The following INO80E variants were observed in gnomAD, a reference collection of about 807,000 sequenced individuals.
The protein encoded by INO80E is coiled-coil domain containing 95.
A neutral mutation model predicts 27.3 loss-of-function variants in INO80E; 20 were observed. The observed-to-expected ratio is 0.73, with a 90% CI of 0.51 to 1.06. The LOEUF (loss-of-function observed/expected upper bound fraction) is 1.06. Ranked by LOEUF, INO80E falls within the 50% of genes least tolerant of loss-of-function variation. The pLI, the probability that INO80E is intolerant of heterozygous loss-of-function variation, is 0.00. For missense variants in INO80E, 357 were observed against 322.8 expected (o/e 1.11, Z -0.81); for synonymous variants, 167 against 145.9 (o/e 1.14, Z -1.04).
intron 3 of INO80E, among the ~76,000 whole-genome samples, chr16:29,997,332 C>T (rs2070167203): frequency 3.3e-5 from 5 of 152,100 alleles, no homozygotes; most frequent in Admixed American, 3.3e-4. Context: ...GCAGCCGTAC[C>T]CCATAGGCAA....
In INO80E at chr16:30,005,612, C is replaced by A; in HGVS notation, c.*170C>A. The A allele has an allele frequency of 2.9e-6, 2 of 684,968 alleles. No individual in the cohort carries two copies. Among genetic ancestry groups the A allele is most frequent in the South Asian group, 1.8e-5 (1 of 54,264 alleles). The allele number at this position is 684,968 out of a possible 1,614,324, so 42.4% of individuals were successfully genotyped here. A position where few individuals can be genotyped will look rare whatever the true frequency, so the allele number is the denominator to read the frequency against. ...GCACGGGTGTCCCCCAGGAGGGTGG[C>A]AGGGGCCCTGCCTTCAAACCCCGGC... On this transcript the variant is annotated 3_prime_UTR_variant, in exon 7 of 7. Transcript: ENST00000563197.
Position 29,996,836 on chromosome 16 carries a change from GA to G in INO80E, c.182del (p.Glu61GlyfsTer70). On this transcript the variant is annotated frameshift_variant, in exon 3 of 7. Transcript: ENST00000563197. LOFTEE classifies it high-confidence loss of function. Reference sequence around the variant, plus strand: ...CCTCCTAGACCGACTTCTGCAGTACGAGAACGTGGATGAAGACTCTTCGGGT... The same window carrying G: ...CCTCCTAGACCGACTTCTGCAGTACGGAACGTGGATGAAGACTCTTCGGGT... ...SFLLDRLLQY[E>X]NVDEDSSDSD... 6.2e-7 allele frequency: 1 copy of G among 1,614,170 alleles called. No individual in the cohort carries two copies. Among genetic ancestry groups the G allele is most frequent in the African/African-American group, 1.3e-5 (1 of 75,044 alleles).
chr16:29,997,470 T>G (rs533953964), intron 3 of INO80E, among the ~76,000 whole-genome samples: 1 of 152,132 alleles, frequency 6.6e-6, no homozygotes, highest in African/African-American at 2.4e-5. Flanking sequence ...TAAAAGCCAT[T>G]CTTGGCCAGG....
intron 3 of INO80E, 70 bp from the exon 4 acceptor site, chr16:30,000,688 G>A (rs971352707): frequency 7.8e-7 from 1 of 1,286,774 alleles, no homozygotes; most frequent in Non-Finnish European, 1.1e-6. Flanking sequence ...CTGTAGTGTA[G>A]AGGAGGTTAT....
chr16:30,000,085 TAGCCTCACACCTTACTTTCTG>T (rs1374486919), intron 3 of INO80E, among the ~76,000 whole-genome samples: 1 of 152,102 alleles, frequency 6.6e-6, no homozygotes, highest in African/African-American at 2.4e-5. Context: ...CTTGGAGTCT[TAGCCTCACACCTTACTTTCTG>T]AGCCTCGGTG....
At position 30,005,407 on chromosome 16, in the gene INO80E, G is replaced by C; in HGVS notation, c.700G>C (p.Gly234Arg). The C allele has an allele frequency of 6.2e-7, 1 of 1,604,772 alleles. No homozygotes were observed. The highest frequency in any genetic ancestry group is 1.3e-5 in the African/African-American group (1 of 74,350). ...AGGTAGCGGGGACGATGCCTTGGAT[G>C]GAGACGATGACCTGGTGATCGACAT... ...DAGSGDDALD[G>R]DDDLVIDIPE The change falls in exon 7 of 7, where the codon GGA becomes CGA. Residue 234 changes from glycine (G) to arginine (R), a missense_variant. By Grantham distance (125) the Gly-to-Arg change is moderately radical (BLOSUM62 -2). Transcript: ENST00000563197.
chr16:30,000,662 G>A, intron 3 of INO80E, 96 bp from the exon 4 acceptor site: 1 of 987,108 alleles, frequency 1.0e-6, no homozygotes, highest in Non-Finnish European at 1.6e-6. Context: ...CCCGCACCTG[G>A]TCTTCCAGTG....
intron 6 of INO80E, chr16:30,002,519 G>T (rs1432130567): frequency 1.3e-5 from 2 of 152,808 alleles, no homozygotes; most frequent in Non-Finnish European, 2.9e-5. Flanking sequence ...CAGGCCAAGG[G>T]CAGAGGGTCC....
chr16:29,999,613 C>T (rs2070273046), intron 3 of INO80E: 1 of 152,230 alleles, frequency 6.6e-6, no homozygotes, highest in African/African-American at 2.4e-5. Context: ...ATAGGTGTAG[C>T]AGTCGTTTGT....
rs751381829 is a variant in INO80E, at chr16:30,005,479, G to A, written c.*37G>A. The stretch of plus-strand genomic sequence containing the variant: ...CGCCATGCCCACCACGGCCCCGCCC[G>A]GCGCCCTCCCCGTGCCAGCACACAC... On this transcript the variant is annotated 3_prime_UTR_variant, in exon 7 of 7. Coordinates refer to ENST00000563197, the MANE Select transcript of INO80E (RefSeq NM_173618.3). 7.1e-6 allele frequency: 11 copies of A among 1,553,876 alleles called. No homozygotes were observed. Among genetic ancestry groups the A allele is most frequent in the East Asian group, 2.4e-5 (1 of 41,232 alleles).
At chr16:29,996,776 A>C (rs770426374) in intron 2 of INO80E, 32 bp from the exon 3 acceptor site, 1 of 1,613,012 alleles carries the variant, frequency 6.2e-7, no homozygotes, top group South Asian at 1.1e-5. Flanking sequence ...GCGCTGGAAA[A>C]TCACTGTCCG....
Position 30,003,685 on chromosome 16 carries a change from G to A in INO80E, c.514-1536G>A, listed in dbSNP as rs2070431268. 1 of 152,222 alleles carries A rather than the reference G, an allele frequency of 6.6e-6. No homozygotes were observed. The highest frequency in any genetic ancestry group is 1.5e-5 in the Non-Finnish European group (1 of 68,040). 9.4% of individuals were successfully genotyped at this position (152,222 alleles called of 1,614,324 possible). A position where few individuals can be genotyped will look rare whatever the true frequency, so the allele number is the denominator to read the frequency against. ...GTGCGGAGAATGTGAGTGAAGGGAT[G>A]AAAATCGCTCGGCCCGTGCCTGGCC... On this transcript the variant is annotated intron_variant, in intron 6 of 6. Coordinates refer to ENST00000563197, the MANE Select transcript of INO80E (RefSeq NM_173618.3). This position sits in a 1 kb window ranked among gnomAD's most constrained non-coding sequence, Gnocchi z 4.4.
At chr16:29,999,604 T>C (rs1333951312) in intron 3 of INO80E, 3 of 152,238 alleles carry the variant, frequency 2.0e-5, no homozygotes, top group East Asian at 1.9e-4. Context: ...ACGGCTTCTA[T>C]AGGTGTAGCA....
At chr16:30,001,358 C>A in intron 5 of INO80E, 56 bp from the exon 6 acceptor site, 1 of 1,527,336 alleles carries the variant, frequency 6.5e-7, no homozygotes, top group Non-Finnish European at 8.9e-7. Flanking sequence ...ATTTCTTCCC[C>A]CACCCTCACC....
chr16:30,005,556 C>T lies in INO80E; in HGVS notation c.*114C>T, dbSNP rs1305271382. 2.9e-6 allele frequency: 3 copies of T among 1,026,560 alleles called. No individual in the cohort carries two copies. Among genetic ancestry groups the T allele is most frequent in the Admixed American group, 2.4e-5 (1 of 41,602 alleles). 63.6% of individuals were successfully genotyped at this position (1,026,560 alleles called of 1,614,324 possible). ...TTGATGCCCAGCTGCCATGCTCCGGCCACTGACACAACCAGAAAAGGCGTA... is the reference window on the plus strand; with the variant it reads ...TTGATGCCCAGCTGCCATGCTCCGGTCACTGACACAACCAGAAAAGGCGTA... On this transcript the variant is annotated 3_prime_UTR_variant, in exon 7 of 7. Coordinates refer to ENST00000563197, the MANE Select transcript of INO80E (RefSeq NM_173618.3).
intron 3 of INO80E, among the ~76,000 whole-genome samples, chr16:29,998,759 G>A (rs1475092259): frequency 6.6e-6 from 1 of 152,048 alleles, no homozygotes; most frequent in Non-Finnish European, 1.5e-5. Context: ...TTAAACATTG[G>A]TCTGGGCCGG....
At position 29,996,875 on chromosome 16, in the gene INO80E, C is replaced by T; in HGVS notation, c.205+15C>T. On this transcript the variant is annotated intron_variant, in intron 3 of 6. Transcript: ENST00000563197. ...AGACTCTTCGGGTGAGCAAGGTCTT[C>T]AAAAATTGGTGGAGAGCATGGTTCC... 1 of 1,613,604 alleles carries T rather than the reference C, an allele frequency of 6.2e-7. No individual in the cohort carries two copies. Among genetic ancestry groups the T allele is most frequent in the South Asian group, 1.1e-5 (1 of 91,068 alleles).
rs181325284 is a variant in INO80E, at chr16:29,997,756, A to G, written c.205+896A>G. On this transcript the variant is annotated intron_variant, in intron 3 of 6. Transcript: ENST00000563197. ...GGTGACAGGGCGAGACTCCGTCTCA[A>G]AAAAAAAAAAAAACGCCCTTCTTAG... 7.3e-3 allele frequency among the ~76,000 whole-genome samples: 1,099 copies of G among 149,638 alleles called. 37 individuals carry two copies. The East Asian group carries it at 0.081, about 11-fold the overall frequency.
At chr16:29,998,598 C>T (rs2070227098) in intron 3 of INO80E, among the ~76,000 whole-genome samples, 1 of 152,168 alleles carries the variant, frequency 6.6e-6, no homozygotes, top group African/African-American at 2.4e-5. Context: ...TCTTTTAATG[C>T]TGGTTGCAAA....
Sources: allele counts gnomAD v4.1 joint callset (sites outside exome capture counted in the v4.1 genomes callset), GRCh38; gene constraint gnomAD v4.1.1; non-coding constraint Gnocchi (gnomAD v3.1); transcripts MANE v1.5; gene names NCBI Gene and HGNC (gene_info 2026-07-23, HGNC 2026-07-21).